DPRX: variants seen among roughly 807,000 people sequenced by gnomAD.
DPRX encodes the protein divergent paired-related homeobox.
In DPRX, 11 loss-of-function variants were observed where a neutral mutation model predicts 8.4. The observed-to-expected ratio is 1.31, with a 90% confidence interval of 0.82 to 2.17. The LOEUF is 2.17. Ranked by LOEUF, DPRX falls within the 30% of genes most tolerant of loss-of-function variation. DPRX has a pLI of 0.00. For missense variants in DPRX, 211 were observed against 236.7 expected, an observed-to-expected ratio of 0.89 and a Z score of 0.71; for synonymous variants, 72 against 87.0, an observed-to-expected ratio of 0.83 and a Z score of 0.96.
At chr19:53,624,576 C>G in the DPRX span, among the ~76,000 whole-genome samples, 1 of 151,720 alleles carries the variant, frequency 6.6e-6, no homozygotes, top group Non-Finnish European at 1.5e-5. Flanking sequence ...CTGTGCCCAG[C>G]CTTTTGTTTT....
chr19:53,610,732 T>A, the DPRX span, among the ~76,000 whole-genome samples: 4 of 152,116 alleles, frequency 2.6e-5, no homozygotes, highest in African/African-American at 9.7e-5. Context: ...ATTACGAGTT[T>A]GTTTGTGATT....
intron 1 of DPRX, among the ~76,000 whole-genome samples, 158 bp downstream of exon 1, chr19:53,632,292 GTTGTT>G (rs927365250): frequency 1.3e-5 from 2 of 151,818 alleles, no homozygotes; most frequent in Admixed American, 1.3e-4. Context: ...TTTTGTTGTT[GTTGTT>G]TTGTTTTGTT....
upstream of DPRX, among the ~76,000 whole-genome samples, chr19:53,627,392 T>C (rs2091075339): frequency 6.6e-6 from 1 of 151,450 alleles, no homozygotes. Flanking sequence ...GTGGAAGAAC[T>C]CCTGGAGAAG....
chr19:53,607,729 C>T, the DPRX span, among the ~76,000 whole-genome samples: 8 of 147,928 alleles, frequency 5.4e-5, no homozygotes, highest in South Asian at 2.1e-4. Context: ...TGTGGTGGCA[C>T]GCACCTGTAA....
At chr19:53,615,866 G>A in the DPRX span, among the ~76,000 whole-genome samples, 2 of 151,970 alleles carry the variant, frequency 1.3e-5, no homozygotes, top group Non-Finnish European at 2.9e-5. Flanking sequence ...ACTTTGGGAG[G>A]CCAAGGTGGG....
At chr19:53,625,785 G>A in the DPRX span, among the ~76,000 whole-genome samples, 5 of 151,984 alleles carry the variant, frequency 3.3e-5, no homozygotes, top group Admixed American at 2.0e-4. Context: ...CTACAAGTGT[G>A]TGTCACCGCA....
chr19:53,606,675 C>T, the DPRX span: 1 of 140,362 alleles, frequency 7.1e-6, no homozygotes, highest in Non-Finnish European at 1.6e-5. This position sits in a 1 kb window ranked among gnomAD's most constrained non-coding sequence, Gnocchi z 4.8. Flanking sequence ...GCTTCTTCTC[C>T]TGCGGGACAG....
Position 53,632,446 on chromosome 19 carries a change from A to G in DPRX, c.28+312A>G, listed in dbSNP as rs989872591. 8.9e-3 allele frequency among the ~76,000 whole-genome samples: 1,301 copies of G among 146,656 alleles called. 14 individuals are homozygous for G. Among genetic ancestry groups the G allele is most frequent in the African/African-American group, 0.031 (1,243 of 39,916 alleles). On this transcript the variant is annotated intron_variant, in intron 1 of 2. Coordinates refer to ENST00000376650, the Ensembl canonical transcript of DPRX. ...CTCCCGAGTAGCTGGGATGACAGGC[A>G]CACGCCACCACACCTGGCTAATTTT...
upstream of DPRX, among the ~76,000 whole-genome samples, chr19:53,628,957 C>CCTGTCCAT (rs1568582861): frequency 6.6e-6 from 1 of 152,010 alleles, no homozygotes; most frequent in Non-Finnish European, 1.5e-5. Flanking sequence ...CTCCTCCCGG[C>CCTGTCCAT]CTGTCCATCC....
At chr19:53,621,027 C>T in the DPRX span, among the ~76,000 whole-genome samples, 1 of 152,168 alleles carries the variant, frequency 6.6e-6, no homozygotes. Flanking sequence ...TGAGACTGAA[C>T]AGTGAGGCTC....
chr19:53,629,237 T>C (rs1393365436), upstream of DPRX, among the ~76,000 whole-genome samples: 35 of 150,560 alleles, frequency 2.3e-4, no homozygotes, highest in African/African-American at 7.6e-4. Flanking sequence ...TCACTTGAAT[T>C]TAGGAGGCAG....
upstream of DPRX, among the ~76,000 whole-genome samples, chr19:53,627,229 A>G (rs2091074847): frequency 1.3e-5 from 2 of 151,980 alleles, no homozygotes; most frequent in Non-Finnish European, 2.9e-5. Flanking sequence ...TGTCTTTGAA[A>G]ACCACCACTA....
At chr19:53,625,537 C>T in the DPRX span, among the ~76,000 whole-genome samples, 2 of 152,108 alleles carry the variant, frequency 1.3e-5, no homozygotes, top group Non-Finnish European at 2.9e-5. Flanking sequence ...CTGCACAAGG[C>T]ACCCTCTCTT....
At chr19:53,634,799 C>T in intron 2 of DPRX, 114 bp downstream of exon 2, 1 of 1,397,080 alleles carries the variant, frequency 7.2e-7, no homozygotes, top group Non-Finnish European at 9.6e-7. Flanking sequence ...TCCCCAAACC[C>T]ACACTCTCCT....
chr19:53,616,979 T>C, the DPRX span: 1 of 1,181,646 alleles, frequency 8.5e-7, no homozygotes, highest in East Asian at 2.3e-5. Flanking sequence ...CCGCCAGGTG[T>C]TGGCTCTATG....
intron 1 of DPRX, among the ~76,000 whole-genome samples, chr19:53,634,082 T>A (rs1600571507): frequency 2.0e-5 from 3 of 152,180 alleles, no homozygotes; most frequent in Non-Finnish European, 2.9e-5. Context: ...CCTCCCACAG[T>A]ACTGGGACTG....
chr19:53,636,650 C>T, exon 3 of DPRX: 1 of 1,614,008 alleles, frequency 6.2e-7, no homozygotes, highest in Admixed American at 1.7e-5. Context: ...CAAGCATATT[C>T]ATCAAAAACA....
chr19:53,621,941 C>G, the DPRX span, among the ~76,000 whole-genome samples: 1 of 152,138 alleles, frequency 6.6e-6, no homozygotes, highest in Non-Finnish European at 1.5e-5. Context: ...CAAACCATTA[C>G]TGATACTCAT....
chr19:53,624,079 C>CTTTTTTTT, the DPRX span, among the ~76,000 whole-genome samples: 1 of 93,286 alleles, frequency 1.1e-5, no homozygotes, highest in African/African-American at 4.2e-5. Context: ...ATTGTTGTAC[C>CTTTTTTTT]TTTTTTTTTT....
Sources: allele counts gnomAD v4.1 joint callset (sites outside exome capture counted in the v4.1 genomes callset), GRCh38; gene constraint gnomAD v4.1.1; non-coding constraint Gnocchi (gnomAD v3.1); transcripts MANE v1.5; gene names NCBI Gene and HGNC (gene_info 2026-07-23, HGNC 2026-07-21).